CA10: variants seen among roughly 807,000 people sequenced by gnomAD.
The protein encoded by CA10 is carbonic anhydrase-related protein 10.
A neutral mutation model predicts 44.2 loss-of-function variants in CA10; 14 were observed. The ratio of observed to expected loss-of-function variants is 0.32; its 90% CI spans 0.21 to 0.50. The LOEUF is 0.50. Among genes scored for constraint, CA10 ranks in the 20% least tolerant of loss-of-function variants. CA10 has a pLI of 0.99. For missense variants in CA10, 350 were observed against 409.7 expected, an observed-to-expected ratio of 0.85 and a Z score of 1.26; for synonymous variants, 159 against 141.6, an observed-to-expected ratio of 1.12 and a Z score of -0.87.
intron 1 of CA10, among the ~76,000 whole-genome samples, chr17:52,144,582 A>G (rs1281429317): frequency 1.3e-5 from 2 of 152,206 alleles, no homozygotes; most frequent in Non-Finnish European, 2.9e-5. Flanking sequence ...ATGAAAAGAC[A>G]TGATTATCTC....
chr17:51,867,202 G>A (rs1022368557), intron 3 of CA10, among the ~76,000 whole-genome samples: 2 of 152,182 alleles, frequency 1.3e-5, no homozygotes, highest in Admixed American at 6.5e-5. Context: ...GAATTGATTA[G>A]CAAGTGTAAT....
intron 3 of CA10, among the ~76,000 whole-genome samples, chr17:51,850,895 A>C (rs954529967): frequency 6.6e-6 from 1 of 152,198 alleles, no homozygotes; most frequent in Admixed American, 6.5e-5. Flanking sequence ...AATTCATGGG[A>C]GTGCAGGGAC....
intron 3 of CA10, among the ~76,000 whole-genome samples, chr17:51,749,833 G>A (rs1012574106): frequency 6.6e-5 from 10 of 152,174 alleles, no homozygotes; most frequent in Non-Finnish European, 1.5e-4. Flanking sequence ...GGGAGGGAAT[G>A]GGGAGAATAA....
At chr17:52,072,237 G>T in intron 2 of CA10, 82 bp downstream of exon 2, 1 of 978,838 alleles carries the variant, frequency 1.0e-6, no homozygotes, top group Non-Finnish European at 1.6e-6. Flanking sequence ...CTCACCTTTT[G>T]CAATGTAAAA....
chr17:51,979,177 C>T (rs190710144), intron 2 of CA10, among the ~76,000 whole-genome samples: 49 of 152,174 alleles, frequency 3.2e-4, no homozygotes, highest in African/African-American at 1.2e-3. Flanking sequence ...ACCTTAAAGA[C>T]CCCACAAGGG....
intron 1 of CA10, among the ~76,000 whole-genome samples, chr17:52,110,671 G>A (rs947894651): frequency 2.0e-5 from 3 of 152,120 alleles, no homozygotes; most frequent in Non-Finnish European, 4.4e-5. Flanking sequence ...GATCCCACAG[G>A]GAGGTCTGAA....
At chr17:52,059,673 A>C (rs1448772388) in intron 2 of CA10, among the ~76,000 whole-genome samples, 1 of 44,946 alleles carries the variant, frequency 2.2e-5, no homozygotes, top group Admixed American at 3.8e-4. Flanking sequence ...AAGTATAATA[A>C]AAAAAAAAGT....
Position 52,096,606 on chromosome 17 carries a change from T to C in CA10, c.62-24213A>G, listed in dbSNP as rs377339326. Among the ~76,000 whole-genome samples, 69 of 152,270 alleles carry C rather than the reference T, an allele frequency of 4.5e-4. 2 individuals are homozygous for C. Among genetic ancestry groups the C allele is most frequent in the African/African-American group, 1.6e-3 (66 of 41,568 alleles). On this transcript the variant is annotated intron_variant, in intron 1 of 8. Transcript: ENST00000451037. ...CCAAGAAGCTCAGGCAATAACATAA[T>C]AGACACCAATGTCTCAAATATCCTT...
chr17:52,119,579 G>A (rs1373655192), intron 1 of CA10, among the ~76,000 whole-genome samples: 1 of 152,060 alleles, frequency 6.6e-6, no homozygotes, highest in African/African-American at 2.4e-5. Flanking sequence ...ACTCATGGCT[G>A]GGCTCAGCTT....
intron 1 of CA10, among the ~76,000 whole-genome samples, chr17:52,097,435 T>C (rs931156741): frequency 1.3e-5 from 2 of 152,154 alleles, no homozygotes; most frequent in African/African-American, 4.8e-5. Context: ...ATAATTCTGG[T>C]TCCAGAACAT....
chr17:51,674,524 C>G (rs778810727), intron 4 of CA10, among the ~76,000 whole-genome samples: 1 of 152,102 alleles, frequency 6.6e-6, no homozygotes, highest in Non-Finnish European at 1.5e-5. Flanking sequence ...ACAATATATT[C>G]TAGCTTTTTT....
chr17:52,025,101 AT>A (rs961073695), intron 2 of CA10, among the ~76,000 whole-genome samples: 2 of 152,030 alleles, frequency 1.3e-5, no homozygotes, highest in African/African-American at 4.8e-5. Flanking sequence ...ATGGAAAAAA[AT>A]GTCTTAAATA....
intron 1 of CA10, chr17:52,135,048 G>T (rs752853006): frequency 4.1e-6 from 2 of 487,380 alleles, no homozygotes; most frequent in African/African-American, 2.0e-5. Flanking sequence ...TCCTGAGGTC[G>T]CCTGTGAGAA....
At chr17:51,774,287 T>C (rs756755949) in intron 3 of CA10, among the ~76,000 whole-genome samples, 1 of 152,198 alleles carries the variant, frequency 6.6e-6, no homozygotes, top group Non-Finnish European at 1.5e-5. Context: ...CACTTACTTA[T>C]GAATTTTCAA....
At chr17:52,047,687 CAG>C (rs1323790296) in intron 2 of CA10, among the ~76,000 whole-genome samples, 6 of 151,768 alleles carry the variant, frequency 4.0e-5, no homozygotes, top group South Asian at 4.2e-4. Flanking sequence ...GCTTTCCTTC[CAG>C]AGTTTTTCTT....
chr17:51,895,152 C>G (rs114055064), intron 3 of CA10, among the ~76,000 whole-genome samples: 4 of 151,844 alleles, frequency 2.6e-5, no homozygotes, highest in African/African-American at 9.7e-5. Flanking sequence ...TACTTGCATG[C>G]GGATATGGAA....
At chr17:52,015,312 A>G (rs58411599) in intron 2 of CA10, among the ~76,000 whole-genome samples, 1,629 of 152,208 alleles carry the variant, frequency 0.011, 30 homozygotes, top group African/African-American at 0.037. Flanking sequence ...TGATGACTTG[A>G]TGTAAGTTGC....
intron 3 of CA10, among the ~76,000 whole-genome samples, chr17:51,909,343 CTATT>C (rs902845452): frequency 6.6e-6 from 1 of 152,106 alleles, no homozygotes; most frequent in African/African-American, 2.4e-5. Flanking sequence ...GAATTAGTCA[CTATT>C]TATCTGAAGA....
chr17:51,791,787 A>G (rs1339162817), intron 3 of CA10, among the ~76,000 whole-genome samples: 2 of 152,182 alleles, frequency 1.3e-5, no homozygotes, highest in Non-Finnish European at 2.9e-5. Context: ...CTTACTATTC[A>G]TAGAATTCTT....
Sources: gnomAD v4.1 joint callset for allele counts (sites outside exome capture counted in the v4.1 genomes callset) on GRCh38, gnomAD v4.1.1 for gene constraint, MANE v1.5 for transcripts, NCBI Gene and HGNC (gene_info 2026-07-23, HGNC 2026-07-21) for gene names.